HMGXB3: variants seen among roughly 807,000 people sequenced by gnomAD.
HMGXB3 encodes the protein HMG-box containing 3.
HMGXB3 carries 45 observed loss-of-function variants against 121.5 expected under a neutral mutation model. The ratio of observed to expected loss-of-function variants is 0.37; its 90% confidence interval spans 0.29 to 0.47. The LOEUF is 0.47. Ranked by LOEUF, HMGXB3 falls within the 20% of genes least tolerant of loss-of-function variation. The pLI is 0.99. For synonymous variants in HMGXB3, 590 were observed against 624.1 expected (o/e 0.95, Z 0.81); for missense variants, 1,376 against 1,602.2 (o/e 0.86, Z 2.41).
At position 150,041,946 on chromosome 5, in the gene HMGXB3, G is replaced by A; in HGVS notation, c.2707G>A (p.Val903Met). The A allele has an allele frequency of 1.3e-6, 2 of 1,551,632 alleles. No individual in the cohort carries two copies. The highest frequency in any genetic ancestry group is 1.7e-6 in the Non-Finnish European group (2 of 1,146,932). ...VEMAQRSEENVLALKSVEFTW... is the reference protein window; with the variant it reads ...VEMAQRSEENMLALKSVEFTW... ...AATGGCTCAGAGGAGTGAAGAGAAT[G>A]TGCTAGCACTGAAGAGCGTGGAGGT... is the stretch of plus-strand genomic sequence containing the variant. The change falls in exon 15 of 20, where the codon GTG (valine) becomes ATG (methionine). Residue 903 changes from valine (V) to methionine (M), a missense_variant. By Grantham distance (21) the Val-to-Met change is conservative. This residue lies in a region of HMGXB3 where 1,116 missense variants were observed against 1,369.0 expected (regional missense o/e 0.82). Coordinates refer to ENST00000502717, the MANE Select transcript of HMGXB3 (RefSeq NM_014983.3).
intron 13 of HMGXB3, 138 bp downstream of exon 13, chr5:150,037,665 A>G (rs1464993496): frequency 6.0e-6 from 4 of 662,152 alleles, no homozygotes; most frequent in African/African-American, 1.9e-5. Flanking sequence ...TTCTTCCTAA[A>G]TGTCTTAGTC....
Position 150,040,833 on chromosome 5 carries a change from C to CAGG in HMGXB3, c.2501_2502insGAG (p.Arg834dup), listed in dbSNP as rs1177294712. On this transcript the variant is annotated inframe_insertion, in exon 14 of 20. Coordinates refer to ENST00000502717, the MANE Select transcript of HMGXB3 (RefSeq NM_014983.3). ...ATCAGATCAAGCTCGGAGAGGACCC[C>CAGG]AGAGTGTCCATCAATGTTGTTCTGA... 1 of 1,551,610 alleles carries CAGG rather than the reference C, an allele frequency of 6.4e-7. No individual in the cohort carries two copies. The highest frequency in any genetic ancestry group is 8.7e-7 in the Non-Finnish European group (1 of 1,146,964).
chr5:150,038,226 A>G (rs940074532), intron 13 of HMGXB3, among the ~76,000 whole-genome samples: 1 of 152,266 alleles, frequency 6.6e-6, no homozygotes, highest in Non-Finnish European at 1.5e-5. Flanking sequence ...GTTGAATCCT[A>G]AGTTTTGTTT....
chr5:150,024,725 A>G, intron 7 of HMGXB3, 45 bp downstream of exon 7: 2 of 1,430,500 alleles, frequency 1.4e-6, no homozygotes, highest in Admixed American at 2.6e-5. Context: ...GAAATGCCCC[A>G]TGTTTCTTTT....
intron 11 of HMGXB3, among the ~76,000 whole-genome samples, chr5:150,033,172 T>C (rs559953874): frequency 6.6e-6 from 1 of 152,180 alleles, no homozygotes; most frequent in Admixed American, 6.5e-5. Flanking sequence ...CCAGGAAAAA[T>C]GGGCATTTTC....
chr5:150,013,188 CCTT>C (rs1322449254), intron 5 of HMGXB3, among the ~76,000 whole-genome samples: 2 of 152,218 alleles, frequency 1.3e-5, no homozygotes, highest in South Asian at 2.1e-4. Context: ...AGGATTCAGT[CCTT>C]CTTCATTAAG....
intron 5 of HMGXB3, 118 bp from the exon 6 acceptor site, chr5:150,018,448 T>A (rs1393119793): frequency 1.3e-6 from 1 of 762,082 alleles, no homozygotes; most frequent in Non-Finnish European, 1.9e-6. Context: ...TTTTATGATA[T>A]GATTATGAAT....
chr5:150,012,066 C>T lies in HMGXB3; in HGVS notation c.811-189C>T, dbSNP rs143718465. Among the ~76,000 whole-genome samples the T allele has an allele frequency of 2.4e-3, 373 of 152,332 alleles. 1 individual carries two copies. Among genetic ancestry groups the T allele is most frequent in the African/African-American group, 8.5e-3 (355 of 41,574 alleles). ...CTATAAAATAAACATAGCACACTTCCTGTGGAAATAGTTTTCTCTTTGTTC... is the reference window on the plus strand; with the variant it reads ...CTATAAAATAAACATAGCACACTTCTTGTGGAAATAGTTTTCTCTTTGTTC... On this transcript the variant is annotated intron_variant, in intron 4 of 19. Transcript: ENST00000502717.
chr5:150,018,524 G>C, intron 5 of HMGXB3, 42 bp from the exon 6 acceptor site: 1 of 1,481,820 alleles, frequency 6.7e-7, no homozygotes, highest in Non-Finnish European at 9.0e-7. Context: ...ATCAGTCTGA[G>C]AGAGGTTGTT....
intron 6 of HMGXB3, among the ~76,000 whole-genome samples, chr5:150,023,092 G>A (rs764834603): frequency 6.8e-6 from 1 of 147,514 alleles, no homozygotes; most frequent in East Asian, 2.0e-4. Context: ...GTTTCCCAAA[G>A]ACTTAGGATC....
chr5:150,004,468 G>A (rs1755650984), intron 1 of HMGXB3, among the ~76,000 whole-genome samples: 1 of 151,988 alleles, frequency 6.6e-6, no homozygotes, highest in Non-Finnish European at 1.5e-5. Flanking sequence ...TTTTTAACCT[G>A]TTTCCATATA....
intron 8 of HMGXB3, 36 bp from the exon 9 acceptor site, chr5:150,026,984 C>T (rs1375330484): frequency 1.9e-6 from 3 of 1,545,070 alleles, no homozygotes; most frequent in Admixed American, 2.0e-5. Context: ...ACTCTGAATG[C>T]ACTTAAGTCA....
In HMGXB3 at chr5:150,027,123, G is replaced by A; in HGVS notation, c.1734+6G>A. On this transcript the variant is annotated splice_donor_region_variant and intron_variant, in intron 9 of 19. Transcript: ENST00000502717. ...CTGGCCCTGGTGAGGTGAAGGTAAG[G>A]CCCATTTTCCAGAGTGGGAGCTGTT... 1 of 1,550,136 alleles carries A rather than the reference G, an allele frequency of 6.5e-7. No individual in the cohort carries two copies. The highest frequency in any genetic ancestry group is 1.2e-5 in the South Asian group (1 of 83,882).
At chr5:150,029,970 A>G (rs1275280156) in intron 9 of HMGXB3, among the ~76,000 whole-genome samples, 1 of 152,234 alleles carries the variant, frequency 6.6e-6, no homozygotes, top group East Asian at 1.9e-4. Flanking sequence ...GGTAAACCCC[A>G]GTCTTCTCTG....
At chr5:150,012,168 C>T (rs1755855096) in intron 4 of HMGXB3, 87 bp from the exon 5 acceptor site, 1 of 877,810 alleles carries the variant, frequency 1.1e-6, no homozygotes, top group Admixed American at 2.0e-5. Flanking sequence ...TGTTATTAAA[C>T]TTAATCCAGG....
At chr5:150,013,659 G>A (rs947304979) in intron 5 of HMGXB3, among the ~76,000 whole-genome samples, 2 of 152,162 alleles carry the variant, frequency 1.3e-5, no homozygotes, top group Admixed American at 1.3e-4. Context: ...TTGTGAGAAG[G>A]TTTTTAACTG....
chr5:150,047,023 T>C (rs913853247), intron 16 of HMGXB3, among the ~76,000 whole-genome samples: 1 of 151,202 alleles, frequency 6.6e-6, no homozygotes, highest in African/African-American at 2.4e-5. Flanking sequence ...TTGCTGAGAC[T>C]ATAGGCGCAC....
chr5:150,043,420 C>T (rs1756683695), intron 15 of HMGXB3, among the ~76,000 whole-genome samples: 1 of 152,200 alleles, frequency 6.6e-6, no homozygotes, highest in Non-Finnish European at 1.5e-5. Flanking sequence ...AGCTGACTTT[C>T]AGGTACTGGA....
At chr5:150,028,408 T>TTATA (rs1383296368) in intron 9 of HMGXB3, among the ~76,000 whole-genome samples, 1 of 145,024 alleles carries the variant, frequency 6.9e-6, no homozygotes, top group Non-Finnish European at 1.5e-5. Context: ...AGACCCGATT[T>TTATA]TATATATATA....
Sources: allele counts gnomAD v4.1 joint callset (sites outside exome capture counted in the v4.1 genomes callset), GRCh38; gene constraint gnomAD v4.1.1; regional missense constraint gnomAD v4.1.1; transcripts MANE v1.5; gene names NCBI Gene and HGNC (gene_info 2026-07-23, HGNC 2026-07-21).